The following RPS6KA2 variants were observed in gnomAD, a reference collection of about 807,000 sequenced individuals.
RPS6KA2 encodes the protein ribosomal protein S6 kinase alpha-2.
RPS6KA2 carries 42 observed loss-of-function variants against 91.8 expected under a neutral mutation model. That is an observed-to-expected ratio of 0.46 (90% CI 0.36 to 0.59). The LOEUF (loss-of-function observed/expected upper bound fraction) is 0.59, where lower values mean the gene tolerates loss of function less well. Among genes scored for constraint, RPS6KA2 ranks in the 20% least tolerant of loss-of-function variants. RPS6KA2 has a pLI of 0.00. For missense variants in RPS6KA2, 798 were observed against 978.5 expected (o/e 0.82, Z 2.46); for synonymous variants, 414 against 393.6 (o/e 1.05, Z -0.61).
intron 16 of RPS6KA2, among the ~76,000 whole-genome samples, chr6:166,428,254 T>G (rs1459075288): frequency 2.6e-5 from 4 of 150,998 alleles, no homozygotes; most frequent in African/African-American, 4.9e-5. Flanking sequence ...TAGCCATATG[T>G]AGAAAGCTGA....
intron 10 of RPS6KA2, among the ~76,000 whole-genome samples, chr6:166,474,991 C>G (rs1304108256): frequency 6.6e-6 from 1 of 152,134 alleles, no homozygotes; most frequent in Non-Finnish European, 1.5e-5. Flanking sequence ...GCCAGGAGCC[C>G]CTTTCTCACC....
Position 166,457,634 on chromosome 6 carries a change from G to A in RPS6KA2, c.1075+1815C>T, listed in dbSNP as rs762031983. The stretch of plus-strand genomic sequence containing the variant: ...CATGACTCCCTGGTTTACAGTGCCC[G>A]GAATCAGCTTTCTTCCTGTTCTTGG... On this transcript the variant is annotated intron_variant, in intron 12 of 20. Transcript: ENST00000265678. 2.0e-5 allele frequency among the ~76,000 whole-genome samples: 3 copies of A among 152,274 alleles called. No individual in the cohort carries two copies. The South Asian group carries it at 6.2e-4, about 32-fold the overall frequency.
chr6:166,788,735 T>G (rs1418660178), intron 2 of RPS6KA2, among the ~76,000 whole-genome samples: 1 of 152,060 alleles, frequency 6.6e-6, no homozygotes, highest in African/African-American at 2.4e-5. Context: ...ACCTAATGCA[T>G]GTGGGGCTTA....
chr6:166,850,701 C>T (rs1052433159), intron 2 of RPS6KA2, among the ~76,000 whole-genome samples: 1 of 152,128 alleles, frequency 6.6e-6, no homozygotes, highest in Non-Finnish European at 1.5e-5. Flanking sequence ...CTCGGGATGG[C>T]GGCTCAGCGG....
intron 2 of RPS6KA2, among the ~76,000 whole-genome samples, chr6:166,642,800 T>C (rs896236225): frequency 7.2e-5 from 11 of 152,236 alleles, no homozygotes; most frequent in African/African-American, 1.9e-4. Context: ...CCATGGGTCC[T>C]GAGCGTCACT....
chr6:166,818,045 C>T (rs1779814986), intron 2 of RPS6KA2, among the ~76,000 whole-genome samples: 1 of 151,972 alleles, frequency 6.6e-6, no homozygotes, highest in Non-Finnish European at 1.5e-5. Context: ...TTGAAAGTAA[C>T]TTGCAGATAT....
At chr6:166,463,578 T>C (rs530355058) in intron 11 of RPS6KA2, 2 of 152,152 alleles carry the variant, frequency 1.3e-5, no homozygotes, top group South Asian at 4.1e-4. Flanking sequence ...ATTCTATTTA[T>C]ACTAAAGACC....
chr6:166,536,752 G>A (rs1783493484), intron 2 of RPS6KA2, among the ~76,000 whole-genome samples: 1 of 152,082 alleles, frequency 6.6e-6, no homozygotes, highest in African/African-American at 2.4e-5. Flanking sequence ...CATGGGCGCT[G>A]CCACTGCCTC....
chr6:166,661,865 G>A (rs970855950), intron 2 of RPS6KA2, among the ~76,000 whole-genome samples: 1 of 151,856 alleles, frequency 6.6e-6, no homozygotes, highest in African/African-American at 2.4e-5. Flanking sequence ...AGTTGTTTTC[G>A]AGTACACTAT....
intron 1 of RPS6KA2, among the ~76,000 whole-genome samples, chr6:166,606,414 A>T (rs1222888357): frequency 6.6e-6 from 1 of 152,108 alleles, no homozygotes; most frequent in Non-Finnish European, 1.5e-5. Flanking sequence ...CCTGAATACA[A>T]CTCCCTATTG....
chr6:166,576,548 T>C (rs1051129232), intron 1 of RPS6KA2, among the ~76,000 whole-genome samples: 2 of 152,204 alleles, frequency 1.3e-5, no homozygotes, highest in African/African-American at 2.4e-5. Flanking sequence ...GCACAGAGAC[T>C]GGGCAGCATT....
chr6:166,802,152 C>T (rs891382195), intron 2 of RPS6KA2, among the ~76,000 whole-genome samples: 1 of 151,964 alleles, frequency 6.6e-6, no homozygotes, highest in African/African-American at 2.4e-5. Flanking sequence ...CGCCTGTAGT[C>T]CCAGCTACTC....
At chr6:166,510,968 T>G (rs1235453796) in intron 3 of RPS6KA2, among the ~76,000 whole-genome samples, 2 of 152,128 alleles carry the variant, frequency 1.3e-5, no homozygotes, top group Non-Finnish European at 2.9e-5. Context: ...CATTCTGGGT[T>G]CGTCTGATGG....
At chr6:166,509,569 A>T (rs1225204636) in intron 4 of RPS6KA2, 1 of 154,336 alleles carries the variant, frequency 6.5e-6, no homozygotes, top group African/African-American at 2.4e-5. Flanking sequence ...CTTTGCAACC[A>T]AGAACAAACT....
At chr6:166,765,018 C>A (rs1583093970) in intron 2 of RPS6KA2, among the ~76,000 whole-genome samples, 1 of 152,174 alleles carries the variant, frequency 6.6e-6, no homozygotes, top group South Asian at 2.1e-4. Context: ...ATGGGGTGAC[C>A]CCGCCTGGGT....
At chr6:166,476,062 G>A (rs1429142765) in intron 10 of RPS6KA2, among the ~76,000 whole-genome samples, 3 of 152,084 alleles carry the variant, frequency 2.0e-5, no homozygotes, top group South Asian at 2.1e-4. Context: ...TAATGAGTCC[G>A]GCATCAGCAG....
In RPS6KA2 at chr6:166,770,772, A is replaced by G; in HGVS notation, c.123+87428T>C. The G allele has an allele frequency of 1.5e-6, 2 of 1,293,212 alleles. No individual in the cohort carries two copies. The highest frequency in any genetic ancestry group is 2.3e-5 in the East Asian group (1 of 43,118). The allele number at this position is 1,293,212 out of a possible 1,614,324, so 80.1% of individuals were successfully genotyped here. On this transcript the variant is annotated intron_variant, in intron 2 of 21. Coordinates refer to the RPS6KA2 transcript ENST00000503859. The surrounding 1 kb of genome is among the most constrained non-coding windows in gnomAD (Gnocchi z 5.1). The stretch of plus-strand genomic sequence containing the variant: ...ACTCCGGGCACCGTGAAACAACTCA[A>G]TAAATTGAAAAAGACTTCATGTTTA...
Position 166,849,228 on chromosome 6 carries a change from G to A in RPS6KA2, c.123+8972C>T, listed in dbSNP as rs748125415. Among the ~76,000 whole-genome samples the A allele has an allele frequency of 6.6e-6, 1 of 152,152 alleles. No individual in the cohort carries two copies. On this transcript the variant is annotated intron_variant, in intron 2 of 21. Coordinates refer to the RPS6KA2 transcript ENST00000503859. This position sits in a 1 kb window ranked among gnomAD's most constrained non-coding sequence, Gnocchi z 4.9. The stretch of plus-strand genomic sequence containing the variant: ...TTGGTTTCTTCTCATCAGTCAGGTC[G>A]TGGCCTAAACATGGCGTGGGTAGAG...
chr6:166,485,723 G>A (rs556938276), intron 10 of RPS6KA2, among the ~76,000 whole-genome samples: 16 of 127,106 alleles, frequency 1.3e-4, no homozygotes, highest in South Asian at 1.1e-3. Context: ...GGTGATGAAC[G>A]GGGGGGTCTG....
Sources: gnomAD v4.1 joint callset for allele counts (sites outside exome capture counted in the v4.1 genomes callset) on GRCh38, gnomAD v4.1.1 for gene constraint, Gnocchi (gnomAD v3.1) non-coding constraint, MANE v1.5 for transcripts, NCBI Gene and HGNC (gene_info 2026-07-23, HGNC 2026-07-21) for gene names.